ECI2: variants seen among roughly 807,000 people sequenced by gnomAD.
The protein encoded by ECI2 is enoyl-CoA delta isomerase 2, also known as D3,D2-enoyl-CoA isomerase.
Under a neutral mutation model 38.4 loss-of-function variants are expected in ECI2, and 27 were observed. The observed-to-expected ratio is 0.70, with a 90% confidence interval of 0.52 to 0.97. The LOEUF (loss-of-function observed/expected upper bound fraction) is 0.97. ECI2 is among the 50% of genes least tolerant of loss of function. The pLI is 0.00. For synonymous variants in ECI2, 168 were observed against 172.0 expected (o/e 0.98, Z 0.18); for missense variants, 470 against 474.4 (o/e 0.99, Z 0.09).
Position 4,133,687 on chromosome 6 carries a change from C to G in ECI2, c.75G>C (p.Pro25=). 6.2e-7 allele frequency: 1 copy of G among 1,611,636 alleles called. No homozygotes were observed. The highest frequency in any genetic ancestry group is 2.2e-5 in the East Asian group (1 of 44,850). ...TTCTATTCATGTGCAGCTGAACTAC[C>G]GGGAAACTAGTGACCTGCAGAGAAC... ...CPSSLQVTSF[P]VVQLHMNRTA... is the part of the protein sequence containing the mutation. The change falls in exon 2 of 10, where the codon CCG becomes CCC. Residue 25 remains proline, a synonymous_variant. Transcript: ENST00000380118.
intron 5 of ECI2, among the ~76,000 whole-genome samples, chr6:4,126,683 G>C (rs1400619743): frequency 1.3e-5 from 2 of 152,164 alleles, no homozygotes; most frequent in African/African-American, 4.8e-5. Context: ...CTGACTCAGG[G>C]AAAGCCAGGG....
intron 4 of ECI2, among the ~76,000 whole-genome samples, chr6:4,129,411 G>C (rs1773388507): frequency 1.3e-5 from 2 of 152,124 alleles, no homozygotes. Context: ...ACCACGACTG[G>C]CTATCAGGGT....
In ECI2 at chr6:4,127,849, A is replaced by C; in HGVS notation, c.502-18T>G. On this transcript the variant is annotated intron_variant, in intron 4 of 9. Transcript: ENST00000380118. The stretch of plus-strand genomic sequence containing the variant: ...TGATACATCTGTGTAATGGGAAGAC[A>C]AGGAAAAGAAAAGAACTCTGAACAC... 6.2e-7 allele frequency: 1 copy of C among 1,604,318 alleles called. No homozygotes were observed. Among genetic ancestry groups the C allele is most frequent in the Non-Finnish European group, 8.5e-7 (1 of 1,175,902 alleles).
At chr6:4,117,284 T>C in intron 9 of ECI2, 24 bp downstream of exon 9, 1 of 1,571,752 alleles carries the variant, frequency 6.4e-7, no homozygotes, top group Non-Finnish European at 8.6e-7. Flanking sequence ...TCAAGGTTCT[T>C]AGAAGTAAAA....
Position 4,133,671 on chromosome 6 carries a change from T to A in ECI2, c.91A>T (p.Met31Leu), listed in dbSNP as rs370499686. 6.2e-7 allele frequency: 1 copy of A among 1,613,336 alleles called. No individual in the cohort carries two copies. Among genetic ancestry groups the A allele is most frequent in the Non-Finnish European group, 8.5e-7 (1 of 1,179,772 alleles). ...VTSFPVVQLHMNRTAMRASQK... is the reference protein window; with the variant it reads ...VTSFPVVQLHLNRTAMRASQK... The stretch of plus-strand genomic sequence containing the variant: ...CTGGCTCTCATTGCTGTTCTATTCA[T>A]GTGCAGCTGAACTACCGGGAAACTA... Residue 31 changes from methionine (M) to leucine (L), a missense_variant, in exon 2 of 10, where the codon ATG becomes TTG. By Grantham distance (15) the Met-to-Leu change is conservative. Transcript: ENST00000380118.
intron 7 of ECI2, among the ~76,000 whole-genome samples, chr6:4,121,035 T>A (rs1411763152): frequency 6.6e-6 from 1 of 152,200 alleles, no homozygotes; most frequent in Non-Finnish European, 1.5e-5. Context: ...GCTAGACTGT[T>A]TTCTAGAGTG....
At chr6:4,130,137 A>G in intron 4 of ECI2, 1 of 1,613,630 alleles carries the variant, frequency 6.2e-7, no homozygotes, top group Non-Finnish European at 8.5e-7. Context: ...TGCTTCCATT[A>G]TTAGGAAAAT....
In ECI2 at chr6:4,126,229, C is replaced by T. The variant is rs202031985; in HGVS notation, c.580G>A (p.Asp194Asn). The T allele has an allele frequency of 2.2e-4, 362 of 1,611,142 alleles. No individual in the cohort carries two copies. Among genetic ancestry groups the T allele is most frequent in the Non-Finnish European group, 2.9e-4 (347 of 1,178,990 alleles). The change falls in exon 6 of 10, where the codon GAC becomes AAC. Residue 194 changes from aspartate (D) to asparagine (N), a missense_variant. Coordinates refer to ENST00000380118, the MANE Select transcript of ECI2 (RefSeq NM_206836.3). ...AGATCATTCCCACTACTGTAATAGT[C>T]ACCATTTCCTATAAGTAAGAAAATC... ...SIITVLTGNG[D>N]YYSSGNDLTN...
chr6:4,128,374 A>G (rs1384431059), intron 4 of ECI2, among the ~76,000 whole-genome samples: 1 of 152,210 alleles, frequency 6.6e-6, no homozygotes, highest in African/African-American at 2.4e-5. Flanking sequence ...ATGGTATTCA[A>G]GGAAGGTGGC....
chr6:4,133,888 A>T, intron 1 of ECI2, 177 bp from the exon 2 acceptor site: 1 of 632,736 alleles, frequency 1.6e-6, no homozygotes, highest in Non-Finnish European at 2.4e-6. Context: ...CCAAGATAAT[A>T]AGTCAATACA....
chr6:4,135,501 C>T lies in ECI2; in HGVS notation c.50+10G>A. ...GACCATGGGCCGAACGGCCGGGACTCCAAGCTTACCTCGGACACGAACGCC... is the reference window on the plus strand; with the variant it reads ...GACCATGGGCCGAACGGCCGGGACTTCAAGCTTACCTCGGACACGAACGCC... On this transcript the variant is annotated intron_variant, in intron 1 of 9. Transcript: ENST00000380118. 2 of 1,612,176 alleles carry T rather than the reference C, an allele frequency of 1.2e-6. No homozygotes were observed. The highest frequency in any genetic ancestry group is 1.7e-6 in the Non-Finnish European group (2 of 1,179,574).
At chr6:4,123,736 G>A (rs906164893) in intron 7 of ECI2, among the ~76,000 whole-genome samples, 20 of 151,908 alleles carry the variant, frequency 1.3e-4, no homozygotes, top group African/African-American at 3.9e-4. Context: ...GGAGGCCAAC[G>A]CAGGCGAATC....
At chr6:4,116,742 C>T (rs1210127209) in intron 9 of ECI2, among the ~76,000 whole-genome samples, 1 of 152,138 alleles carries the variant, frequency 6.6e-6, no homozygotes, top group East Asian at 1.9e-4. Flanking sequence ...CTGTTCTCGG[C>T]CCTAATGCTG....
At chr6:4,119,128 C>CGGG in intron 8 of ECI2, 58 bp downstream of exon 8, 1 of 1,042,466 alleles carries the variant, frequency 9.6e-7, no homozygotes. Flanking sequence ...TGAGATTACT[C>CGGG]TTCCTTCTTT....
At chr6:4,120,700 C>T (rs1406350454) in intron 7 of ECI2, among the ~76,000 whole-genome samples, 8 of 151,154 alleles carry the variant, frequency 5.3e-5, no homozygotes, top group Non-Finnish European at 1.0e-4. Context: ...GTACTCCAGC[C>T]TGGATGACAG....
intron 2 of ECI2, among the ~76,000 whole-genome samples, chr6:4,132,992 G>A (rs1773564885): frequency 6.6e-6 from 1 of 152,068 alleles, no homozygotes. Context: ...TCAAACTCCT[G>A]ACCTTAAGGG....
chr6:4,120,713 T>TG (rs1772679016), intron 7 of ECI2, among the ~76,000 whole-genome samples: 1 of 146,954 alleles, frequency 6.8e-6, no homozygotes, highest in African/African-American at 2.5e-5. Flanking sequence ...GATGACAGAG[T>TG]GAAAAAAAAA....
intron 8 of ECI2, chr6:4,118,975 T>A (rs780017281): frequency 6.8e-6 from 3 of 438,298 alleles, no homozygotes; most frequent in Non-Finnish European, 1.2e-5. Context: ...TTCTGGGAAC[T>A]GCAGAGAGAA....
intron 3 of ECI2, 60 bp from the exon 4 acceptor site, chr6:4,130,620 G>T: frequency 6.2e-7 from 1 of 1,612,652 alleles, no homozygotes; most frequent in Non-Finnish European, 8.5e-7. Flanking sequence ...CTTTGAGAAA[G>T]TTACTATACT....
Sources: gnomAD v4.1 joint callset for allele counts (sites outside exome capture counted in the v4.1 genomes callset) on GRCh38, gnomAD v4.1.1 for gene constraint, MANE v1.5 for transcripts, NCBI Gene and HGNC (gene_info 2026-07-23, HGNC 2026-07-21) for gene names.